Variants in NELL2 observed in about 807,000 individuals in gnomAD.
The protein encoded by NELL2 is protein kinase C-binding protein NELL2.
Under a neutral mutation model 109.6 loss-of-function variants are expected in NELL2, and 41 were observed. The observed-to-expected ratio is 0.37, with a 90% CI of 0.29 to 0.49. The LOEUF is 0.49. Among genes scored for constraint, NELL2 ranks in the 20% least tolerant of loss-of-function variants. NELL2 has a pLI of 0.98. For missense variants in NELL2, 900 were observed against 1,008.3 expected (o/e 0.89, Z 1.45); for synonymous variants, 355 against 344.7 (o/e 1.03, Z -0.33).
intron 9 of NELL2, among the ~76,000 whole-genome samples, chr12:44,768,326 T>C: frequency 1.3e-5 from 2 of 152,004 alleles, no homozygotes; most frequent in East Asian, 3.8e-4. Flanking sequence ...TTTTTTTTAA[T>C]TAAGATAAAA....
At chr12:44,613,764 G>A (rs1462734228) in intron 13 of NELL2, among the ~76,000 whole-genome samples, 8 of 151,966 alleles carry the variant, frequency 5.3e-5, no homozygotes, top group Admixed American at 5.2e-4. Flanking sequence ...TATAAATGAA[G>A]CAACAAGCAA....
rs375758783 is a variant in NELL2, at chr12:44,714,746, G to C, written c.995-5C>G. 2.7e-5 allele frequency: 43 copies of C among 1,571,088 alleles called. No individual in the cohort carries two copies. The African/African-American group carries it at 3.6e-4, about 13-fold the overall frequency. On this transcript the variant is annotated splice_polypyrimidine_tract_variant and splice_region_variant and intron_variant, in intron 9 of 19. Coordinates refer to ENST00000429094, the MANE Select transcript of NELL2 (RefSeq NM_001145108.2). ...GTCCTTGAAATTGGCATATCGCTTT[G>C]GAGTAAAAAATACATATATATTTAT...
At chr12:44,796,840 C>T (rs940004323) in intron 3 of NELL2, among the ~76,000 whole-genome samples, 7 of 152,112 alleles carry the variant, frequency 4.6e-5, no homozygotes, top group African/African-American at 1.7e-4. Flanking sequence ...AACAACCTAT[C>T]TTATTACCCT....
intron 16 of NELL2, among the ~76,000 whole-genome samples, chr12:44,528,061 G>GCA (rs961035179): frequency 1.7e-5 from 2 of 118,586 alleles, no homozygotes; most frequent in African/African-American, 6.6e-5. Flanking sequence ...TCGCCTCACT[G>GCA]CACTCCAGCC....
chr12:44,605,356 A>G (rs1181565130), intron 15 of NELL2, among the ~76,000 whole-genome samples: 2 of 152,192 alleles, frequency 1.3e-5, no homozygotes, highest in African/African-American at 4.8e-5. Context: ...AGGGAAGTTA[A>G]GTAACTTGCC....
chr12:44,665,939 T>G (rs1400290012), intron 12 of NELL2, among the ~76,000 whole-genome samples: 4 of 152,174 alleles, frequency 2.6e-5, no homozygotes, highest in Non-Finnish European at 4.4e-5. Context: ...TATCCTGCAA[T>G]CTTCAATCAC....
chr12:44,545,070 T>C (rs1287757610), intron 15 of NELL2, among the ~76,000 whole-genome samples: 2 of 151,952 alleles, frequency 1.3e-5, no homozygotes, highest in African/African-American at 4.8e-5. Context: ...TTGCCAACAA[T>C]GGTAAGGAGT....
At chr12:44,861,543 C>T (rs1944844131) in intron 2 of NELL2, among the ~76,000 whole-genome samples, 1 of 152,224 alleles carries the variant, frequency 6.6e-6, no homozygotes, top group African/African-American at 2.4e-5. Flanking sequence ...GCAGCTGCAG[C>T]AGCCATGGGC....
intron 3 of NELL2, among the ~76,000 whole-genome samples, chr12:44,811,672 T>C (rs1199070431): frequency 6.6e-6 from 1 of 152,072 alleles, no homozygotes. Flanking sequence ...CCCTCTTTAA[T>C]TAGGCTTCAG....
intron 15 of NELL2, among the ~76,000 whole-genome samples, chr12:44,576,148 A>C (rs57792241): frequency 6.6e-6 from 1 of 152,092 alleles, no homozygotes; most frequent in African/African-American, 2.4e-5. Context: ...TTAGATCTCA[A>C]TTCAAACCAA....
intron 13 of NELL2, among the ~76,000 whole-genome samples, chr12:44,634,942 G>C (rs548618344): frequency 6.6e-6 from 1 of 152,124 alleles, no homozygotes; most frequent in Non-Finnish European, 1.5e-5. Flanking sequence ...TCCCTGCAAA[G>C]AACATGAACT....
intron 3 of NELL2, among the ~76,000 whole-genome samples, chr12:44,813,546 A>T (rs1943245025): frequency 6.6e-6 from 1 of 152,174 alleles, no homozygotes; most frequent in Admixed American, 6.5e-5. Context: ...ACAAATACTT[A>T]TGTATAAGAA....
intron 16 of NELL2, 129 bp downstream of exon 16, chr12:44,532,452 C>G: frequency 1.3e-6 from 1 of 785,106 alleles, no homozygotes; most frequent in Non-Finnish European, 1.8e-6. Flanking sequence ...TAACACATTT[C>G]CAATCACTGT....
chr12:44,814,132 C>T (rs184045304), intron 3 of NELL2, among the ~76,000 whole-genome samples: 1 of 152,106 alleles, frequency 6.6e-6, no homozygotes, highest in African/African-American at 2.4e-5. Context: ...GAAATGCTGC[C>T]TGACAAGCCT....
At chr12:44,781,277 G>A (rs1200482141) in intron 3 of NELL2, among the ~76,000 whole-genome samples, 1 of 151,596 alleles carries the variant, frequency 6.6e-6, no homozygotes, top group Non-Finnish European at 1.5e-5. Flanking sequence ...AAGCTAAACA[G>A]CAGAATGGAA....
chr12:44,647,565 G>GA (rs796102933), intron 13 of NELL2, among the ~76,000 whole-genome samples: 1 of 152,142 alleles, frequency 6.6e-6, no homozygotes, highest in Non-Finnish European at 1.5e-5. Context: ...AAATGCAGAT[G>GA]AAAAAATCTA....
rs530690989 is a variant in NELL2, at chr12:44,523,916, A to ATGTC, written c.1805-436_1805-433dup. ...AAATCCCTTCTTAGTGGGAGATGAA[A>ATGTC]TGTCATGAGATCCCTGCAGCATTTT... is the stretch of plus-strand genomic sequence containing the variant. On this transcript the variant is annotated intron_variant, in intron 16 of 19. Transcript: ENST00000429094. Among the ~76,000 whole-genome samples the ATGTC allele has an allele frequency of 2.5e-3, 381 of 152,230 alleles. 1 individual carries two copies. The highest frequency in any genetic ancestry group is 8.6e-3 in the African/African-American group (357 of 41,530).
intron 9 of NELL2, among the ~76,000 whole-genome samples, chr12:44,747,964 G>T (rs1036032283): frequency 6.6e-6 from 1 of 152,086 alleles, no homozygotes; most frequent in Admixed American, 6.6e-5. Flanking sequence ...GGAAAGATTC[G>T]AAGGCAAGTG....
At chr12:44,839,825 G>A (rs765433364) in intron 2 of NELL2, among the ~76,000 whole-genome samples, 5 of 152,182 alleles carry the variant, frequency 3.3e-5, no homozygotes, top group African/African-American at 4.8e-5. Flanking sequence ...CACAGCTTTG[G>A]ATTGTTTTTC....
Sources: allele counts gnomAD v4.1 joint callset (sites outside exome capture counted in the v4.1 genomes callset), GRCh38; gene constraint gnomAD v4.1.1; transcripts MANE v1.5; gene names NCBI Gene and HGNC (gene_info 2026-07-23, HGNC 2026-07-21).